Variants in GLRX5 observed in about 807,000 individuals in gnomAD.
GLRX5 encodes glutaredoxin-related protein 5, mitochondrial.
GLRX5 carries 10 observed loss-of-function variants against 13.8 expected under a neutral mutation model. The ratio of observed to expected loss-of-function variants is 0.72; its 90% confidence interval spans 0.45 to 1.23. The LOEUF (loss-of-function observed/expected upper bound fraction) is 1.23. Among genes scored for constraint, GLRX5 ranks in the 50% most tolerant of loss-of-function variants. The pLI is 0.00. For synonymous variants in GLRX5, 98 were observed against 101.1 expected (o/e 0.97, Z 0.18); for missense variants, 233 against 215.2 (o/e 1.08, Z -0.52).
intron 1 of GLRX5, among the ~76,000 whole-genome samples, chr14:95,539,381 A>G (rs938208880): frequency 6.6e-6 from 1 of 152,242 alleles, no homozygotes; most frequent in Non-Finnish European, 1.5e-5. Context: ...CTTTAGTCAC[A>G]TGATGGAAAG....
rs587776500 is a variant in GLRX5 at position 95,535,218 on chromosome 14, G to C, written c.129G>C (p.Glu43Asp). The C allele has an allele frequency of 2.6e-6, 4 of 1,544,702 alleles. No homozygotes were observed. The East Asian group carries it at 9.9e-5, about 38-fold the overall frequency. ...GCGCGGGCGGCGGCGGCTCGGCGGA[G>C]CAGTTGGACGCGCTGGTGAAGAAGG... is the stretch of plus-strand genomic sequence containing the variant. ...GSGAGGGGSAEQLDALVKKDK... is the reference protein window; with the variant it reads ...GSGAGGGGSADQLDALVKKDK... Residue 43 changes from glutamate (E) to aspartate (D), a missense_variant, in exon 1 of 2, where the codon GAG becomes GAC. Transcript: ENST00000331334.
chr14:95,543,337 AAATT>A (rs1256866562), intron 1 of GLRX5: 14 of 226,250 alleles, frequency 6.2e-5, no homozygotes, highest in South Asian at 2.5e-4. Flanking sequence ...TAATTGTTAA[AAATT>A]AAAAAAAAAA....
At chr14:95,543,084 C>G in intron 1 of GLRX5, 2 of 456,088 alleles carry the variant, frequency 4.4e-6, no homozygotes, top group South Asian at 3.1e-5. Context: ...GGACTGATCA[C>G]ATGCATGCTG....
chr14:95,542,865 C>T, intron 1 of GLRX5: 3 of 351,570 alleles, frequency 8.5e-6, no homozygotes, highest in South Asian at 6.3e-5. Flanking sequence ...GCACAGTCAT[C>T]TCAACATACA....
At chr14:95,536,309 A>G (rs1378892542) in intron 1 of GLRX5, among the ~76,000 whole-genome samples, 10 of 152,170 alleles carry the variant, frequency 6.6e-5, no homozygotes, top group African/African-American at 2.4e-4. Flanking sequence ...CTTGGCCAGG[A>G]TGGTCAGGGT....
intron 1 of GLRX5, among the ~76,000 whole-genome samples, chr14:95,541,191 G>A (rs1006567888): frequency 8.5e-5 from 13 of 152,202 alleles, no homozygotes; most frequent in Admixed American, 6.5e-5. Context: ...AGTGATATTT[G>A]TAAGAACTAC....
At chr14:95,543,357 T>G in intron 1 of GLRX5, 1 of 293,492 alleles carries the variant, frequency 3.4e-6, no homozygotes, top group Non-Finnish European at 6.6e-6. Context: ...AAAAAAAAAC[T>G]CAACAACTCA....
intron 1 of GLRX5, among the ~76,000 whole-genome samples, chr14:95,537,320 ACTTT>A (rs1566703373): frequency 6.6e-6 from 1 of 152,202 alleles, no homozygotes; most frequent in Non-Finnish European, 1.5e-5. Context: ...TTCTGAGCTT[ACTTT>A]CTTAAGTTTT....
At chr14:95,536,983 G>A (rs2139648136) in intron 1 of GLRX5, among the ~76,000 whole-genome samples, 1 of 152,272 alleles carries the variant, frequency 6.6e-6, no homozygotes, top group East Asian at 1.9e-4. Flanking sequence ...GTTTTATCAT[G>A]TGCAAGGCAA....
chr14:95,537,911 A>C (rs914649530), intron 1 of GLRX5, among the ~76,000 whole-genome samples: 1 of 152,214 alleles, frequency 6.6e-6, no homozygotes, highest in Non-Finnish European at 1.5e-5. Context: ...TCTGGAGTGC[A>C]CACAGAAGAC....
At chr14:95,538,404 C>T (rs1891417608) in intron 1 of GLRX5, among the ~76,000 whole-genome samples, 1 of 152,214 alleles carries the variant, frequency 6.6e-6, no homozygotes, top group South Asian at 2.1e-4. Flanking sequence ...TAACCATATC[C>T]TGTTGTTGAA....
At chr14:95,542,537 G>A (rs1215686007) in intron 1 of GLRX5, among the ~76,000 whole-genome samples, 1 of 152,108 alleles carries the variant, frequency 6.6e-6, no homozygotes, top group East Asian at 1.9e-4. Flanking sequence ...ATAGTATATT[G>A]GGACTTGTGA....
rs1439397816 is a variant in GLRX5 at position 95,544,197 on chromosome 14, C to G, written c.*72C>G. 9.9e-6 allele frequency: 14 copies of G among 1,416,484 alleles called. No individual in the cohort carries two copies. The highest frequency in any genetic ancestry group is 1.4e-5 in the Non-Finnish European group (14 of 1,016,842). The allele number at this position is 1,416,484 out of a possible 1,614,324, so 87.7% of individuals were successfully genotyped here. Reference sequence around the variant, plus strand: ...AGACTCACTGCCAGAAAAGCCTTACCCATTTTGGTTTTCACTATTGAGACC... The same window carrying G: ...AGACTCACTGCCAGAAAAGCCTTACGCATTTTGGTTTTCACTATTGAGACC... On this transcript the variant is annotated 3_prime_UTR_variant, in exon 2 of 2. Transcript: ENST00000331334.
At position 95,543,949 on chromosome 14, in the gene GLRX5, A is replaced by G. The variant is rs761380853; in HGVS notation, c.298A>G (p.Ile100Val). The part of the protein sequence containing the change: ...VLDDPELRQG[I>V]KDYSNWPTIP... ...AAATAAATGTTCTTTCTCCATAGGCATTAAAGACTATTCCAACTGGCCCAC... is the reference window on the plus strand; with the variant it reads ...AAATAAATGTTCTTTCTCCATAGGCGTTAAAGACTATTCCAACTGGCCCAC... Residue 100 changes from isoleucine to valine, a missense_variant and splice_region_variant, in exon 2 of 2, where the codon ATT becomes GTT. By Grantham distance (29) the Ile-to-Val change is conservative. Coordinates refer to ENST00000331334, the MANE Select transcript of GLRX5 (RefSeq NM_016417.3). The G allele has an allele frequency of 1.2e-6, 2 of 1,611,758 alleles. No individual in the cohort carries two copies. The highest frequency in any genetic ancestry group is 4.5e-5 in the East Asian group (2 of 44,888).
At chr14:95,543,180 G>T (rs980354083) in intron 1 of GLRX5, 11 of 455,842 alleles carry the variant, frequency 2.4e-5, no homozygotes, top group African/African-American at 8.0e-5. Flanking sequence ...ACCTTGCTGA[G>T]CTCTGGGCCT....
At chr14:95,542,787 T>C (rs1891492663) in intron 1 of GLRX5, among the ~76,000 whole-genome samples, 1 of 152,266 alleles carries the variant, frequency 6.6e-6, no homozygotes, top group African/African-American at 2.4e-5. Flanking sequence ...TTATATGCCA[T>C]GCTTTGACCA....
chr14:95,536,371 A>G (rs8005300), intron 1 of GLRX5, among the ~76,000 whole-genome samples: 81,053 of 152,084 alleles, frequency 0.53, 22,663 homozygotes, highest in African/African-American at 0.68. Context: ...GTGACTTAGG[A>G]TACCTGCATC....
At chr14:95,538,397 C>A (rs1403635938) in intron 1 of GLRX5, among the ~76,000 whole-genome samples, 8 of 152,202 alleles carry the variant, frequency 5.3e-5, no homozygotes, top group Admixed American at 5.2e-4. Flanking sequence ...GAATAAATAA[C>A]CATATCCTGT....
rs1176591902 is a variant in GLRX5 at position 95,544,661 on chromosome 14, T to A, written c.*536T>A. The stretch of plus-strand genomic sequence containing the variant: ...GATTTGGAGTGCCTGCAGTGTTTTA[T>A]GTGTGGGAAGTAAGGGTGAGTCTCA... On this transcript the variant is annotated 3_prime_UTR_variant, in exon 2 of 2. Transcript: ENST00000331334. The A allele has an allele frequency of 6.3e-6, 1 of 158,058 alleles. No homozygotes were observed. Among genetic ancestry groups the A allele is most frequent in the African/African-American group, 2.4e-5 (1 of 41,490 alleles). The allele number at this position is 158,058 out of a possible 1,614,324, so 9.8% of individuals were successfully genotyped here.
Sources: gnomAD v4.1 joint callset for allele counts (sites outside exome capture counted in the v4.1 genomes callset) on GRCh38, gnomAD v4.1.1 for gene constraint, MANE v1.5 for transcripts, NCBI Gene and HGNC (gene_info 2026-07-23, HGNC 2026-07-21) for gene names.